The following CYP7B1 variants were observed in gnomAD, a reference collection of about 807,000 sequenced individuals.
CYP7B1 encodes the protein cytochrome P450 7B1.
Under a neutral mutation model 42.7 loss-of-function variants are expected in CYP7B1, and 29 were observed. That is an observed-to-expected ratio of 0.68 (90% CI 0.51 to 0.93). The LOEUF (loss-of-function observed/expected upper bound fraction) is 0.93. CYP7B1 is among the 40% of genes least tolerant of loss of function. The probability of loss-of-function intolerance (pLI) is 0.00; values close to 1 mark genes in which losing one functional copy is unlikely to be tolerated. For missense variants in CYP7B1, 655 were observed against 600.5 expected, an observed-to-expected ratio of 1.09 and a Z score of -0.95; for synonymous variants, 235 against 218.2, an observed-to-expected ratio of 1.08 and a Z score of -0.68.
intron 2 of CYP7B1, among the ~76,000 whole-genome samples, chr8:64,618,495 C>T (rs1285299086): frequency 6.6e-6 from 1 of 151,872 alleles, no homozygotes; most frequent in Non-Finnish European, 1.5e-5. Context: ...TGTTATTGGG[C>T]CTACTGAAGT....
chr8:64,730,049 G>A (rs1807385298), intron 1 of CYP7B1, among the ~76,000 whole-genome samples: 1 of 151,810 alleles, frequency 6.6e-6, no homozygotes, highest in African/African-American at 2.4e-5. Flanking sequence ...TTTCTTTGCT[G>A]CATTTTATTT....
chr8:64,764,040 T>C (rs1179774338), intron 1 of CYP7B1, among the ~76,000 whole-genome samples: 2 of 152,186 alleles, frequency 1.3e-5, no homozygotes, highest in African/African-American at 4.8e-5. Flanking sequence ...GCATCTAGGC[T>C]ATGAACCCAG....
intron 1 of CYP7B1, among the ~76,000 whole-genome samples, chr8:64,717,483 G>A (rs1807173699): frequency 6.6e-6 from 1 of 152,120 alleles, no homozygotes; most frequent in African/African-American, 2.4e-5. Flanking sequence ...TCTACCTTTA[G>A]GTAGTCTGAA....
intron 1 of CYP7B1, among the ~76,000 whole-genome samples, chr8:64,659,559 A>C (rs988734471): frequency 3.3e-5 from 5 of 152,228 alleles, no homozygotes; most frequent in African/African-American, 1.2e-4. Context: ...TTTCCTATTG[A>C]TACATACTTA....
chr8:64,763,934 T>G (rs1807928592), intron 1 of CYP7B1, among the ~76,000 whole-genome samples: 1 of 152,208 alleles, frequency 6.6e-6, no homozygotes. Context: ...CTTCCTCCGA[T>G]CCCTGCCTCC....
In CYP7B1 at chr8:64,595,418, T is replaced by C. The variant is rs961556569; in HGVS notation, c.*1224A>G. Among the ~76,000 whole-genome samples, 2 of 152,252 alleles carry C rather than the reference T, an allele frequency of 1.3e-5. No homozygotes were observed. Among genetic ancestry groups the C allele is most frequent in the Admixed American group, 6.5e-5 (1 of 15,288 alleles). On this transcript the variant is annotated 3_prime_UTR_variant, in exon 6 of 6. Coordinates refer to ENST00000310193, the MANE Select transcript of CYP7B1 (RefSeq NM_004820.5). ...AACGAAGCATGAATTAACTGGACTT[T>C]ATTACCTGCCTTGCCTGCTTATATA...
At chr8:64,687,373 C>T (rs1022662136) in intron 1 of CYP7B1, among the ~76,000 whole-genome samples, 4 of 152,042 alleles carry the variant, frequency 2.6e-5, no homozygotes, top group African/African-American at 9.7e-5. Flanking sequence ...CCAGAATAGG[C>T]AAATGCACGG....
intron 1 of CYP7B1, among the ~76,000 whole-genome samples, chr8:64,669,128 A>T (rs1806326906): frequency 6.6e-6 from 1 of 151,892 alleles, no homozygotes. Context: ...AAAATAAGTT[A>T]AAAAAAATGA....
intron 1 of CYP7B1, among the ~76,000 whole-genome samples, chr8:64,786,672 G>A (rs1242499944): frequency 6.6e-6 from 1 of 152,178 alleles, no homozygotes; most frequent in Non-Finnish European, 1.5e-5. Flanking sequence ...TACCATTATG[G>A]GGTCTGGAGG....
At chr8:64,759,027 A>G (rs1341882918) in intron 1 of CYP7B1, among the ~76,000 whole-genome samples, 1 of 152,222 alleles carries the variant, frequency 6.6e-6, no homozygotes, top group Non-Finnish European at 1.5e-5. Flanking sequence ...TTCACCAAAC[A>G]CCATGGAGTC....
At chr8:64,677,190 A>C (rs1806458726) in intron 1 of CYP7B1, among the ~76,000 whole-genome samples, 1 of 152,062 alleles carries the variant, frequency 6.6e-6, no homozygotes, top group Non-Finnish European at 1.5e-5. Flanking sequence ...AATATATTCA[A>C]AACAAAAAGT....
chr8:64,751,709 T>G (rs1807728127), intron 1 of CYP7B1, among the ~76,000 whole-genome samples: 1 of 152,196 alleles, frequency 6.6e-6, no homozygotes, highest in Non-Finnish European at 1.5e-5. Flanking sequence ...ACTATGCAAC[T>G]GACAGTATAT....
At chr8:64,708,158 T>C (rs1199702794) in intron 1 of CYP7B1, among the ~76,000 whole-genome samples, 1 of 152,186 alleles carries the variant, frequency 6.6e-6, no homozygotes, top group Non-Finnish European at 1.5e-5. Flanking sequence ...GGATAACAGA[T>C]TATTGGATTT....
intron 1 of CYP7B1, among the ~76,000 whole-genome samples, chr8:64,739,940 G>A (rs1413990963): frequency 6.6e-6 from 1 of 152,034 alleles, no homozygotes; most frequent in Non-Finnish European, 1.5e-5. Flanking sequence ...CTTCAAAACT[G>A]AAAGAGATAT....
intron 4 of CYP7B1, among the ~76,000 whole-genome samples, chr8:64,612,298 A>G (rs1411944046): frequency 1.3e-5 from 2 of 152,006 alleles, no homozygotes; most frequent in African/African-American, 4.8e-5. Flanking sequence ...GCCCCAAGTA[A>G]CAGTTACTGA....
At chr8:64,774,850 G>A (rs1235610139) in intron 1 of CYP7B1, among the ~76,000 whole-genome samples, 2 of 152,054 alleles carry the variant, frequency 1.3e-5, no homozygotes, top group African/African-American at 2.4e-5. Context: ...ATCCTCAGAG[G>A]TAAAATAACT....
At chr8:64,600,453 G>A (rs1018981910) in intron 5 of CYP7B1, among the ~76,000 whole-genome samples, 8 of 152,128 alleles carry the variant, frequency 5.3e-5, no homozygotes, top group Non-Finnish European at 1.0e-4. Context: ...TTTTGGGTAT[G>A]GGAATATAAA....
intron 1 of CYP7B1, among the ~76,000 whole-genome samples, chr8:64,681,597 C>G (rs975819100): frequency 3.3e-5 from 5 of 152,152 alleles, no homozygotes; most frequent in Non-Finnish European, 7.4e-5. Context: ...ATGAAGCAAG[C>G]TACTATGTTG....
intron 1 of CYP7B1, among the ~76,000 whole-genome samples, chr8:64,632,229 T>C (rs1288442009): frequency 6.6e-6 from 1 of 152,094 alleles, no homozygotes; most frequent in Non-Finnish European, 1.5e-5. Context: ...TACAATGCAA[T>C]ACTATCCAGC....
Sources: allele counts gnomAD v4.1 joint callset (sites outside exome capture counted in the v4.1 genomes callset), GRCh38; gene constraint gnomAD v4.1.1; transcripts MANE v1.5; gene names NCBI Gene and HGNC (gene_info 2026-07-23, HGNC 2026-07-21).